The following JAKMIP1 variants were observed in gnomAD, a reference collection of about 807,000 sequenced individuals.
JAKMIP1 encodes the protein janus kinase and microtubule-interacting protein 1.
JAKMIP1 carries 33 observed loss-of-function variants against 113.0 expected under a neutral mutation model. That is an observed-to-expected ratio of 0.29 (90% CI 0.22 to 0.39). The LOEUF is 0.39. Among genes scored for constraint, JAKMIP1 ranks in the 10% least tolerant of loss-of-function variants. The probability of loss-of-function intolerance (pLI) is 1.00; values close to 1 mark genes in which losing one functional copy is unlikely to be tolerated. For missense variants in JAKMIP1, 813 were observed against 1,080.5 expected, an observed-to-expected ratio of 0.75 and a Z score of 3.47; for synonymous variants, 480 against 459.9, an observed-to-expected ratio of 1.04 and a Z score of -0.56.
rs749299375 is a variant in JAKMIP1 at position 6,139,246 on chromosome 4, G to A, written c.-147-26249C>T. Among the ~76,000 whole-genome samples the A allele has an allele frequency of 1.3e-5, 2 of 152,146 alleles. No homozygotes were observed. The highest frequency in any genetic ancestry group is 2.9e-5 in the Non-Finnish European group (2 of 68,036). ...AAAAGGGTTCTGCCCCAGTTAAAAA[G>A]CATTTGAGAACCATAGCATCAGAAG... On this transcript the variant is annotated intron_variant, in intron 1 of 20. Transcript: ENST00000409021. This position sits in a 1 kb window ranked among gnomAD's most constrained non-coding sequence, Gnocchi z 5.2.
intron 9 of JAKMIP1, among the ~76,000 whole-genome samples, chr4:6,063,437 GCCTAGTCCAGACC>G (rs1445729260): frequency 6.6e-6 from 1 of 152,246 alleles, no homozygotes; most frequent in African/African-American, 2.4e-5. Flanking sequence ...AGCCTGAGTA[GCCTAGTCCAGACC>G]CCTGTGCAGG....
chr4:6,114,102 G>A (rs532808184), intron 1 of JAKMIP1, among the ~76,000 whole-genome samples: 1 of 152,352 alleles, frequency 6.6e-6, no homozygotes, highest in African/African-American at 2.4e-5. Flanking sequence ...GGTGAAGTCA[G>A]CTACCTAAAT....
At position 6,112,893 on chromosome 4, in the gene JAKMIP1, C is replaced by G; in HGVS notation, c.-43G>C. The stretch of plus-strand genomic sequence containing the variant: ...AGTGCTGAGATCCTGCGGTCCACAC[C>G]TGTTCACGCACGCCAGCCAGCAGGC... On this transcript the variant is annotated 5_prime_UTR_variant, in exon 2 of 21. Coordinates refer to ENST00000409021, the MANE Select transcript of JAKMIP1 (RefSeq NM_001099433.2). The G allele has an allele frequency of 8.8e-6, 14 of 1,596,050 alleles. No individual in the cohort carries two copies. The highest frequency in any genetic ancestry group is 1.1e-5 in the Non-Finnish European group (13 of 1,168,566).
At position 6,150,695 on chromosome 4, in the gene JAKMIP1, C is replaced by A. The variant is rs1045016367; in HGVS notation, c.-147-37698G>T. Among the ~76,000 whole-genome samples the A allele has an allele frequency of 6.6e-6, 1 of 152,154 alleles. No homozygotes were observed. Among genetic ancestry groups the A allele is most frequent in the African/African-American group, 2.4e-5 (1 of 41,422 alleles). On this transcript the variant is annotated intron_variant, in intron 1 of 20. Transcript: ENST00000409021. This position sits in a 1 kb window ranked among gnomAD's most constrained non-coding sequence, Gnocchi z 4.8. Reference sequence around the variant, plus strand: ...ACTCCATCTGGGCCCCAGAAAACTGCCCTGATGCTACAGGTAGGAAGAAAA... The same window carrying A: ...ACTCCATCTGGGCCCCAGAAAACTGACCTGATGCTACAGGTAGGAAGAAAA...
chr4:6,145,476 C>A (rs973064516), intron 1 of JAKMIP1, among the ~76,000 whole-genome samples: 7 of 93,900 alleles, frequency 7.5e-5, no homozygotes, highest in Admixed American at 1.3e-4. Flanking sequence ...GGGGTGCTCT[C>A]AAAAATATCC....
chr4:6,092,423 A>G (rs916556000), intron 3 of JAKMIP1, among the ~76,000 whole-genome samples: 2 of 151,982 alleles, frequency 1.3e-5, no homozygotes, highest in African/African-American at 2.4e-5. Flanking sequence ...AGCACCACCC[A>G]CCTGCAGCCG....
chr4:6,079,067 T>C, intron 7 of JAKMIP1, 69 bp from the exon 8 acceptor site: 1 of 1,563,310 alleles, frequency 6.4e-7, no homozygotes, highest in South Asian at 1.1e-5. Context: ...CCACTGGCTC[T>C]CAAAGGGAGC....
Position 6,076,646 on chromosome 4 carries a change from A to G in JAKMIP1, c.1302+2293T>C, listed in dbSNP as rs769042178. On this transcript the variant is annotated intron_variant, in intron 8 of 20. Transcript: ENST00000409021. This position sits in a 1 kb window ranked among gnomAD's most constrained non-coding sequence, Gnocchi z 4.8. Reference sequence around the variant, plus strand: ...TATATTTTATGTGGCCCACAGGTATATATTTTACAGGCTGAGTGTCCTTTA... The same window carrying G: ...TATATTTTATGTGGCCCACAGGTATGTATTTTACAGGCTGAGTGTCCTTTA... Among the ~76,000 whole-genome samples the G allele has an allele frequency of 6.6e-5, 10 of 152,184 alleles. No individual in the cohort carries two copies. Among genetic ancestry groups the G allele is most frequent in the Non-Finnish European group, 1.2e-4 (8 of 68,032 alleles).
Position 6,050,604 on chromosome 4 carries a change from G to T in JAKMIP1, c.1882C>A (p.Leu628Met). The change falls in exon 14 of 21, where the codon CTG (leucine) becomes ATG (methionine). Residue 628 changes from leucine to methionine, a missense_variant. Physicochemically the swap from Leu to Met is conservative, Grantham distance 15. Coordinates refer to ENST00000409021, the MANE Select transcript of JAKMIP1 (RefSeq NM_001099433.2). This position sits in a 1 kb window ranked among gnomAD's most constrained non-coding sequence, Gnocchi z 7.4. ...TTAACTCCTTCCTGGTGACAGAACA[G>T]CTGGAGAGCGCTGCTGTGGTTCTCG... ...FPENHSSALQ[L>M]FCHQEGVKDV... 6.4e-7 allele frequency: 1 copy of T among 1,573,884 alleles called. No individual in the cohort carries two copies. The highest frequency in any genetic ancestry group is 8.6e-7 in the Non-Finnish European group (1 of 1,159,186).
In JAKMIP1 at chr4:6,042,273, G is replaced by C. The variant is rs796945035; in HGVS notation, c.2029-46C>G. On this transcript the variant is annotated intron_variant, in intron 16 of 20. Coordinates refer to ENST00000409021, the MANE Select transcript of JAKMIP1 (RefSeq NM_001099433.2). The surrounding 1 kb of genome is among the most constrained non-coding windows in gnomAD (Gnocchi z 5.2). Reference sequence around the variant, plus strand: ...GACGGGTGCAGCAAAGTGAGAGTCAGAACCCAAGGGGCTGTGGAATTTCAC... The same window carrying C: ...GACGGGTGCAGCAAAGTGAGAGTCACAACCCAAGGGGCTGTGGAATTTCAC... The C allele has an allele frequency of 6.9e-7, 1 of 1,451,780 alleles. No individual in the cohort carries two copies. The highest frequency in any genetic ancestry group is 1.1e-5 in the South Asian group (1 of 87,602). The allele number at this position is 1,451,780 out of a possible 1,614,324, so 89.9% of individuals were successfully genotyped here.
At chr4:6,073,647 T>C (rs568545062) in intron 8 of JAKMIP1, among the ~76,000 whole-genome samples, 2 of 152,324 alleles carry the variant, frequency 1.3e-5, no homozygotes, top group African/African-American at 4.8e-5. Context: ...TAACCTGCTA[T>C]GCACCAAGCA....
chr4:6,163,560 C>T (rs1439596771), intron 1 of JAKMIP1, among the ~76,000 whole-genome samples: 2 of 152,204 alleles, frequency 1.3e-5, no homozygotes, highest in Admixed American at 6.5e-5. Context: ...AATAACCCTA[C>T]AATAGCCTCT....
chr4:6,041,111 T>C (rs151039318), intron 17 of JAKMIP1, among the ~76,000 whole-genome samples: 2,902 of 152,158 alleles, frequency 0.019, 31 homozygotes, highest in Non-Finnish European at 0.032. Context: ...CCTGCCTGAA[T>C]TGCATCACCC....
At chr4:6,196,859 CAAAAAAA>C in intron 1 of JAKMIP1, among the ~76,000 whole-genome samples, 1 of 136,132 alleles carries the variant, frequency 7.3e-6, no homozygotes, top group South Asian at 2.4e-4. Flanking sequence ...GAAACTCTGT[CAAAAAAA>C]AAAAAAAAAC....
At chr4:6,035,565 G>A (rs962864786) in intron 19 of JAKMIP1, among the ~76,000 whole-genome samples, 3 of 152,154 alleles carry the variant, frequency 2.0e-5, no homozygotes, top group Non-Finnish European at 2.9e-5. Flanking sequence ...ACAAAAGGTA[G>A]CAAAAAAGCA....
chr4:6,113,992 T>G (rs571884106), intron 1 of JAKMIP1, among the ~76,000 whole-genome samples: 144 of 152,334 alleles, frequency 9.5e-4, no homozygotes, highest in Non-Finnish European at 1.6e-4. Flanking sequence ...CCAGGGCCTG[T>G]GACGGGAGCT....
chr4:6,029,755 C>T lies in JAKMIP1; in HGVS notation c.2406G>A (p.Leu802=), dbSNP rs754613411. 2 of 1,605,436 alleles carry T rather than the reference C, an allele frequency of 1.2e-6. No individual in the cohort carries two copies. The highest frequency in any genetic ancestry group is 1.1e-5 in the South Asian group (1 of 88,614). Reference sequence around the variant, plus strand: ...CTTTCAGGTGCCGCTTCTGAAACTCCAGTTTGTCCTCCAGTTCTCGGATTC... The same window carrying T: ...CTTTCAGGTGCCGCTTCTGAAACTCTAGTTTGTCCTCCAGTTCTCGGATTC... The part of the protein sequence containing the change: ...QQRIRELEDK[L]EFQKRHLKEL... Residue 802 remains leucine (L), a synonymous_variant, in exon 20 of 21, where the codon CTG becomes CTA. Transcript: ENST00000409021.
At chr4:6,165,346 C>T (rs1315048252) in intron 1 of JAKMIP1, among the ~76,000 whole-genome samples, 4 of 152,188 alleles carry the variant, frequency 2.6e-5, no homozygotes. Flanking sequence ...AGTGCAGTGG[C>T]ACAATCTCAG....
chr4:6,091,927 G>A (rs560345233), intron 3 of JAKMIP1, among the ~76,000 whole-genome samples: 21 of 152,152 alleles, frequency 1.4e-4, no homozygotes, highest in African/African-American at 4.8e-4. Context: ...CTCATCTCCC[G>A]CAGAGGGCCC....
Sources: allele counts gnomAD v4.1 joint callset (sites outside exome capture counted in the v4.1 genomes callset), GRCh38; gene constraint gnomAD v4.1.1; non-coding constraint Gnocchi (gnomAD v3.1); transcripts MANE v1.5; gene names NCBI Gene and HGNC (gene_info 2026-07-23, HGNC 2026-07-21).